PSMD14: variants seen among roughly 807,000 people sequenced by gnomAD.
PSMD14 encodes the protein ubiquitin C-terminal hydrolase PSMD14.
A neutral mutation model predicts 41.2 loss-of-function variants in PSMD14; 7 were observed. The observed-to-expected ratio is 0.17, with a 90% CI of 0.10 to 0.32. PSMD14 has a LOEUF of 0.32. Ranked by LOEUF, PSMD14 falls within the 10% of genes least tolerant of loss-of-function variation. The pLI is 1.00. For synonymous variants in PSMD14, 114 were observed against 122.3 expected, an observed-to-expected ratio of 0.93 and a Z score of 0.45; for missense variants, 139 against 375.6, an observed-to-expected ratio of 0.37 and a Z score of 5.21.
At chr2:161,407,173 T>C (rs1476526315) in intron 10 of PSMD14, among the ~76,000 whole-genome samples, 2 of 152,246 alleles carry the variant, frequency 1.3e-5, no homozygotes, top group Admixed American at 6.5e-5. Context: ...AAGTTTAGTG[T>C]CACAATTTGT....
Position 161,408,859 on chromosome 2 carries a change from T to G in PSMD14, c.794T>G (p.Met265Arg). The part of the protein sequence containing the change: ...YNKAVEEEDK[M>R]TPEQLAIKNV... ...CAGGCTGTAGAAGAAGAAGATAAGATGACACCTGAACAGCTGGCAATAAAG... is the reference window on the plus strand; with the variant it reads ...CAGGCTGTAGAAGAAGAAGATAAGAGGACACCTGAACAGCTGGCAATAAAG... The change falls in exon 11 of 12, where the codon ATG (methionine) becomes AGG (arginine). Residue 265 changes from methionine (M) to arginine (R), a missense_variant. This residue lies in a region of PSMD14 where 80 missense variants were observed against 138.1 expected (regional missense o/e 0.58). Coordinates refer to ENST00000409682, the MANE Select transcript of PSMD14 (RefSeq NM_005805.6). The G allele has an allele frequency of 6.2e-7, 1 of 1,607,306 alleles. No individual in the cohort carries two copies. Among genetic ancestry groups the G allele is most frequent in the Non-Finnish European group, 8.5e-7 (1 of 1,175,086 alleles).
intron 7 of PSMD14, among the ~76,000 whole-genome samples, chr2:161,374,969 T>C (rs1187963409): frequency 2.0e-5 from 3 of 152,092 alleles, no homozygotes; most frequent in Non-Finnish European, 2.9e-5. Flanking sequence ...TCATTGTGTC[T>C]GTTCTCTGTT....
chr2:161,336,314 A>C (rs530757641), intron 3 of PSMD14, among the ~76,000 whole-genome samples: 1 of 152,324 alleles, frequency 6.6e-6, no homozygotes, highest in South Asian at 2.1e-4. Flanking sequence ...CAGAGTCACC[A>C]TATTAATAAA....
At chr2:161,396,366 T>A (rs1239240302) in intron 10 of PSMD14, among the ~76,000 whole-genome samples, 1 of 152,074 alleles carries the variant, frequency 6.6e-6, no homozygotes, top group African/African-American at 2.4e-5. Context: ...ACCCAAGATA[T>A]GGAGTCAACC....
intron 10 of PSMD14, among the ~76,000 whole-genome samples, chr2:161,401,118 T>G (rs1389713079): frequency 1.3e-5 from 2 of 152,270 alleles, no homozygotes; most frequent in South Asian, 2.1e-4. Context: ...TAATGTAAAC[T>G]TATTGTATTG....
At chr2:161,406,698 A>AT (rs1683952426) in intron 10 of PSMD14, among the ~76,000 whole-genome samples, 1 of 152,152 alleles carries the variant, frequency 6.6e-6, no homozygotes. Context: ...ACCTTAGTAT[A>AT]TGCCTAAATC....
At chr2:161,333,288 A>G (rs1280627518) in intron 3 of PSMD14, among the ~76,000 whole-genome samples, 2 of 152,220 alleles carry the variant, frequency 1.3e-5, no homozygotes, top group African/African-American at 4.8e-5. Context: ...TAGATGTTAG[A>G]GTCTCTGAGT....
At chr2:161,362,319 T>TA (rs1683300277) in intron 3 of PSMD14, among the ~76,000 whole-genome samples, 2 of 152,244 alleles carry the variant, frequency 1.3e-5, no homozygotes, top group African/African-American at 4.8e-5. Context: ...AGATAGAGCA[T>TA]ATTGTATACT....
chr2:161,393,355 CTGAAATCATCTGTGGAG>C (rs1237090079), intron 9 of PSMD14, among the ~76,000 whole-genome samples: 1 of 152,160 alleles, frequency 6.6e-6, no homozygotes, highest in Non-Finnish European at 1.5e-5. Context: ...ATCAGAGAAA[CTGAAATCATCTGTGGAG>C]GGTTTTCCTA....
At chr2:161,370,713 C>T (rs1683420526) in intron 6 of PSMD14, among the ~76,000 whole-genome samples, 1 of 152,084 alleles carries the variant, frequency 6.6e-6, no homozygotes, top group African/African-American at 2.4e-5. Flanking sequence ...CAGAACAGTG[C>T]AAATTGGTTT....
intron 7 of PSMD14, among the ~76,000 whole-genome samples, chr2:161,372,239 C>T (rs1683445877): frequency 6.6e-6 from 1 of 152,034 alleles, no homozygotes. Context: ...AAAATAAAAT[C>T]ACAATATATT....
intron 1 of PSMD14, among the ~76,000 whole-genome samples, chr2:161,311,223 C>G (rs543656981): frequency 1.3e-5 from 2 of 151,994 alleles, no homozygotes; most frequent in East Asian, 1.9e-4. Flanking sequence ...GAAGGAGAAT[C>G]GTTTGAACCT....
At chr2:161,350,150 T>C (rs1344765312) in intron 3 of PSMD14, among the ~76,000 whole-genome samples, 1 of 152,204 alleles carries the variant, frequency 6.6e-6, no homozygotes, top group Non-Finnish European at 1.5e-5. Context: ...AAATAAAATG[T>C]GTAAGGAACT....
intron 1 of PSMD14, among the ~76,000 whole-genome samples, chr2:161,310,358 T>G (rs1386106596): frequency 6.6e-6 from 1 of 152,236 alleles, no homozygotes; most frequent in Non-Finnish European, 1.5e-5. Context: ...AAGAAGCAAC[T>G]GTGCTTTTTT....
At chr2:161,336,666 C>G (rs749436085) in intron 3 of PSMD14, among the ~76,000 whole-genome samples, 8 of 152,140 alleles carry the variant, frequency 5.3e-5, no homozygotes, top group Non-Finnish European at 1.2e-4. Context: ...ACCTCTGCCT[C>G]CTAGGTTCAA....
At chr2:161,398,436 A>G (rs1559054940) in intron 10 of PSMD14, among the ~76,000 whole-genome samples, 1 of 152,040 alleles carries the variant, frequency 6.6e-6, no homozygotes, top group African/African-American at 2.4e-5. Flanking sequence ...ATTCTGCTTG[A>G]TTATTATTAG....
chr2:161,361,166 C>T (rs1683284385), intron 3 of PSMD14, among the ~76,000 whole-genome samples: 1 of 151,958 alleles, frequency 6.6e-6, no homozygotes, highest in African/African-American at 2.4e-5. Flanking sequence ...CTCTTTAATC[C>T]ATCTGGGTGG....
rs1248220849 is a variant in PSMD14, at chr2:161,408,912, G to A, written c.834+13G>A. Reference sequence around the variant, plus strand: ...TGTTGGCAAGCAGGTGAGGTGTACTGTTAATAAGTTATGCAGTTGCATAAT... The same window carrying A: ...TGTTGGCAAGCAGGTGAGGTGTACTATTAATAAGTTATGCAGTTGCATAAT... On this transcript the variant is annotated intron_variant, in intron 11 of 11. Coordinates refer to ENST00000409682, the MANE Select transcript of PSMD14 (RefSeq NM_005805.6). The A allele has an allele frequency of 1.3e-6, 2 of 1,581,326 alleles. No homozygotes were observed. Among genetic ancestry groups the A allele is most frequent in the Admixed American group, 1.7e-5 (1 of 59,146 alleles).
chr2:161,327,983 T>A (rs946926591), intron 3 of PSMD14, among the ~76,000 whole-genome samples: 16 of 148,994 alleles, frequency 1.1e-4, no homozygotes, highest in African/African-American at 1.0e-4. Flanking sequence ...TGTGTGTGTG[T>A]GAGATGTTGG....
Sources: allele counts gnomAD v4.1 joint callset (sites outside exome capture counted in the v4.1 genomes callset), GRCh38; gene constraint gnomAD v4.1.1; regional missense constraint gnomAD v4.1.1; transcripts MANE v1.5; gene names NCBI Gene and HGNC (gene_info 2026-07-23, HGNC 2026-07-21).